Variants in GBF1 observed in about 807,000 individuals in gnomAD.
GBF1 encodes the protein golgi brefeldin A resistant guanine nucleotide exchange factor 1, also known as Golgi-specific brefeldin A-resistance guanine nucleotide exchange factor 1.
A neutral mutation model predicts 210.5 loss-of-function variants in GBF1; 114 were observed. That is an observed-to-expected ratio of 0.54 (90% confidence interval 0.47 to 0.63). The LOEUF (loss-of-function observed/expected upper bound fraction) is 0.63, where lower values mean the gene tolerates loss of function less well. GBF1 is among the 30% of genes least tolerant of loss of function. The probability of loss-of-function intolerance (pLI) is 0.00; values close to 1 mark genes in which losing one functional copy is unlikely to be tolerated. For missense variants in GBF1, 1,851 were observed against 2,357.7 expected (o/e 0.79, Z 4.45); for synonymous variants, 850 against 889.2 (o/e 0.96, Z 0.78).
At chr10:102,242,928 C>CAAAAAAAAAAAAAAAAAAAAAAAAA (rs58301527), upstream of GBF1, among the ~76,000 whole-genome samples, 6 of 132,406 alleles carry the variant, frequency 4.5e-5, no homozygotes, top group African/African-American at 1.7e-4. Flanking sequence ...GACTCTGTCT[C>CAAAAAAAAAAAAAAAAAAAAAAAAA]AAAAAAAAAA....
intron 3 of GBF1, among the ~76,000 whole-genome samples, chr10:102,326,109 C>T (rs533183305): frequency 6.6e-6 from 1 of 152,172 alleles, no homozygotes; most frequent in Non-Finnish European, 1.5e-5. Context: ...AAAGATCTGT[C>T]TTACTTGTCT....
chr10:102,243,109 A>G (rs1315727055), upstream of GBF1, among the ~76,000 whole-genome samples: 1 of 152,028 alleles, frequency 6.6e-6, no homozygotes, highest in Non-Finnish European at 1.5e-5. Flanking sequence ...ATTTCCTAGT[A>G]GTGTCCTGCA....
chr10:102,284,700 A>C (rs1362816285), intron 3 of GBF1, among the ~76,000 whole-genome samples: 1 of 152,078 alleles, frequency 6.6e-6, no homozygotes, highest in Non-Finnish European at 1.5e-5. Context: ...TCCTTTTGGC[A>C]ATTATGAATA....
chr10:102,298,711 GAAACAGAGGTTCCAA>G (rs758513058), intron 3 of GBF1, among the ~76,000 whole-genome samples: 53 of 152,238 alleles, frequency 3.5e-4, no homozygotes, highest in Non-Finnish European at 7.1e-4. Flanking sequence ...TATAGAAGAG[GAAACAGAGGTTCCAA>G]AAAGTGAAGA....
intron 23 of GBF1, 40 bp downstream of exon 23, chr10:102,368,872 G>C: frequency 7.3e-7 from 1 of 1,366,144 alleles, no homozygotes; most frequent in Non-Finnish European, 1.0e-6. Context: ...AGCTCCAAAG[G>C]AGGACCTCTC....
At chr10:102,320,883 C>T (rs1464950452) in intron 3 of GBF1, among the ~76,000 whole-genome samples, 2 of 151,974 alleles carry the variant, frequency 1.3e-5, no homozygotes, top group East Asian at 1.9e-4. Context: ...ACAACCTCCA[C>T]CTCCTAGATT....
intron 3 of GBF1, among the ~76,000 whole-genome samples, chr10:102,300,164 T>G (rs2077221512): frequency 6.6e-6 from 1 of 152,186 alleles, no homozygotes; most frequent in Non-Finnish European, 1.5e-5. Context: ...TTGATAGTAT[T>G]CTTCAACAAA....
chr10:102,286,372 G>A (rs2075958380), intron 3 of GBF1, among the ~76,000 whole-genome samples: 1 of 152,140 alleles, frequency 6.6e-6, no homozygotes, highest in African/African-American at 2.4e-5. Flanking sequence ...GTGGAGCCTG[G>A]TCTGGAGCTG....
At position 102,365,488 on chromosome 10, in the gene GBF1, A is replaced by C; in HGVS notation, c.2198A>C (p.Asp733Ala). The C allele has an allele frequency of 6.2e-7, 1 of 1,614,088 alleles. No individual in the cohort carries two copies. Among genetic ancestry groups the C allele is most frequent in the South Asian group, 1.1e-5 (1 of 91,084 alleles). The part of the protein sequence containing the change: ...QEKGLLTIPM[D>A]NTEVAQWLRE... ...AAAGGCCTCCTCACCATCCCAATGG[A>C]CAACACAGAGGTTGCTCAGTGGCTC... Residue 733 changes from aspartate (D) to alanine (A), a missense_variant, in exon 18 of 40, where the codon GAC (aspartate) becomes GCC (alanine). By Grantham distance (126) the Asp-to-Ala change is moderately radical. Transcript: ENST00000369983.
At chr10:102,311,107 A>T (rs1794843224) in intron 3 of GBF1, among the ~76,000 whole-genome samples, 1 of 152,200 alleles carries the variant, frequency 6.6e-6, no homozygotes, top group African/African-American at 2.4e-5. Context: ...TGATGGCTTG[A>T]GGACTTATTT....
chr10:102,377,123 T>G lies in GBF1; in HGVS notation c.4477T>G (p.Leu1493Val). Residue 1493 changes from leucine to valine, a missense_variant, in exon 33 of 40, where the codon TTA becomes GTA. Leu to Val is a conservative substitution (Grantham distance 32). Around this residue, in one of 3 missense-constraint regions of GBF1, gnomAD observed 967 missense variants for 1,247.7 expected, o/e 0.78. Transcript: ENST00000369983. ...GCCTGCCAGCTACCATACGGTGTCT[T>G]TACAGGTCAGTCAGGACGTAAGTAT... ...GVPASYHTVS[L>V]QVSQDLLDLM... is the part of the protein sequence containing the mutation. 6.2e-7 allele frequency: 1 copy of G among 1,613,762 alleles called. No homozygotes were observed. The highest frequency in any genetic ancestry group is 8.5e-7 in the Non-Finnish European group (1 of 1,179,726).
rs145246489 is a variant in GBF1, at chr10:102,379,925, C to T, written c.4849C>T (p.Arg1617Trp). ...AGATGTGGGTGGGATGGAGGAGACC[C>T]GGATGAGGGCTTCCACATTGCTCTC... ...PADVGGMEET[R>W]MRASTLLSKV... The change falls in exon 36 of 40, where the codon CGG becomes TGG. Residue 1617 changes from arginine (R) to tryptophan (W), a missense_variant. Arg to Trp is a moderately radical substitution (Grantham distance 101). Around this residue, in one of 3 missense-constraint regions of GBF1, gnomAD observed 967 missense variants for 1,247.7 expected, o/e 0.78. Transcript: ENST00000369983. The T allele has an allele frequency of 1.5e-5, 24 of 1,611,852 alleles. No individual in the cohort carries two copies. Among genetic ancestry groups the T allele is most frequent in the South Asian group, 9.9e-5 (9 of 90,932 alleles).
At chr10:102,332,478 G>A (rs994936260) in intron 3 of GBF1, among the ~76,000 whole-genome samples, 3 of 151,350 alleles carry the variant, frequency 2.0e-5, no homozygotes, top group African/African-American at 4.9e-5. Context: ...CTGCCTCCCC[G>A]GCTCAAGCGA....
At chr10:102,327,459 A>G (rs1261814381) in intron 3 of GBF1, among the ~76,000 whole-genome samples, 1 of 152,252 alleles carries the variant, frequency 6.6e-6, no homozygotes, top group African/African-American at 2.4e-5. Context: ...ATAGGAATGT[A>G]TACAGCAGTA....
At chr10:102,312,464 A>G (rs1002483250) in intron 3 of GBF1, among the ~76,000 whole-genome samples, 1 of 152,082 alleles carries the variant, frequency 6.6e-6, no homozygotes, top group South Asian at 2.1e-4. Context: ...ATAACCTGGC[A>G]CCCAGCCCTT....
intron 33 of GBF1, among the ~76,000 whole-genome samples, chr10:102,378,028 G>T (rs931219229): frequency 1.1e-4 from 17 of 150,868 alleles, no homozygotes; most frequent in Non-Finnish European, 2.1e-4. Context: ...GACCACCCTG[G>T]CTAACACGGT....
At chr10:102,250,219 A>T (rs754002210) in intron 1 of GBF1, among the ~76,000 whole-genome samples, 4 of 152,048 alleles carry the variant, frequency 2.6e-5, no homozygotes, top group Non-Finnish European at 5.9e-5. Flanking sequence ...TTTGAGACAG[A>T]GTCTCTCTCT....
chr10:102,336,300 AAAAAAAAAAAAAAAG>A (rs1000073720), intron 3 of GBF1, among the ~76,000 whole-genome samples: 1 of 139,138 alleles, frequency 7.2e-6, no homozygotes, highest in Non-Finnish European at 1.5e-5. Flanking sequence ...ACTTTGTCTC[AAAAAAAAAAAAAAAG>A]AAAAAAAAAA....
In GBF1 at chr10:102,351,278, A is replaced by G; in HGVS notation, c.318A>G (p.Ala106=). The G allele has an allele frequency of 6.2e-7, 1 of 1,603,856 alleles. No homozygotes were observed. Among genetic ancestry groups the G allele is most frequent in the South Asian group, 1.1e-5 (1 of 90,864 alleles). ...CAGATCCCACCCATGAGGGCACAGC[A>G]GAGGGCATGGAGAACATGGCAGATG... ...ALIDPTHEGT[A]EGMENMADAV... is the part of the protein sequence containing the mutation. The change falls in exon 5 of 40, where the codon GCA becomes GCG. Residue 106 remains alanine, a synonymous_variant. Transcript: ENST00000369983.
Sources: gnomAD v4.1 joint callset for allele counts (sites outside exome capture counted in the v4.1 genomes callset) on GRCh38, gnomAD v4.1.1 for gene constraint, gnomAD v4.1.1 regional missense constraint, MANE v1.5 for transcripts, NCBI Gene and HGNC (gene_info 2026-07-23, HGNC 2026-07-21) for gene names.